The following PPP3CA variants were observed in gnomAD, a reference collection of about 807,000 sequenced individuals.
The protein encoded by PPP3CA is CAM-PRP catalytic subunit.
Under a neutral mutation model 66.5 loss-of-function variants are expected in PPP3CA, and 14 were observed. That is an observed-to-expected ratio of 0.21 (90% CI 0.14 to 0.33). The LOEUF (loss-of-function observed/expected upper bound fraction) is 0.33. PPP3CA is among the 10% of genes least tolerant of loss of function. The probability of loss-of-function intolerance (pLI) is 1.00; values close to 1 mark genes in which losing one functional copy is unlikely to be tolerated. For synonymous variants in PPP3CA, 232 were observed against 226.2 expected, an observed-to-expected ratio of 1.03 and a Z score of -0.23; for missense variants, 317 against 639.5, an observed-to-expected ratio of 0.50 and a Z score of 5.44.
intron 1 of PPP3CA, among the ~76,000 whole-genome samples, chr4:101,340,693 G>A (rs73835938): frequency 0.11 from 16,156 of 152,120 alleles, 2,912 homozygotes; most frequent in African/African-American, 0.37. Context: ...TTTACAAACT[G>A]AAATCCTATT....
chr4:101,169,345 T>C (rs918554640), intron 2 of PPP3CA, among the ~76,000 whole-genome samples: 1 of 152,166 alleles, frequency 6.6e-6, no homozygotes, highest in Non-Finnish European at 1.5e-5. Context: ...AAGACAAGAA[T>C]GAATGGTGTG....
intron 2 of PPP3CA, among the ~76,000 whole-genome samples, chr4:101,147,260 T>C (rs1722999593): frequency 6.6e-6 from 1 of 152,212 alleles, no homozygotes; most frequent in African/African-American, 2.4e-5. Flanking sequence ...ATTTCCCACT[T>C]GTTCTTTAGA....
chr4:101,165,003 G>A (rs540733216), intron 2 of PPP3CA, among the ~76,000 whole-genome samples: 3 of 152,144 alleles, frequency 2.0e-5, no homozygotes, highest in Admixed American at 2.0e-4. Context: ...TCTGGGTAGG[G>A]GAGGAGAGAT....
At chr4:101,219,253 TAAC>T (rs1725550008) in intron 1 of PPP3CA, among the ~76,000 whole-genome samples, 1 of 152,014 alleles carries the variant, frequency 6.6e-6, no homozygotes, top group East Asian at 1.9e-4. Flanking sequence ...ACTTAATAGT[TAAC>T]AGATTGCATG....
At chr4:101,280,879 C>T (rs910462416) in intron 1 of PPP3CA, among the ~76,000 whole-genome samples, 3 of 149,882 alleles carry the variant, frequency 2.0e-5, no homozygotes, top group Non-Finnish European at 4.4e-5. Context: ...AATGCTTGAG[C>T]TCACTCCACA....
intron 1 of PPP3CA, among the ~76,000 whole-genome samples, chr4:101,339,740 G>A (rs1158177547): frequency 1.3e-5 from 2 of 152,172 alleles, no homozygotes; most frequent in East Asian, 3.8e-4. Context: ...CATTGAGCTA[G>A]GGACCAATAA....
At chr4:101,059,089 T>G (rs1375475119) in intron 10 of PPP3CA, among the ~76,000 whole-genome samples, 1 of 152,128 alleles carries the variant, frequency 6.6e-6, no homozygotes, top group East Asian at 1.9e-4. Flanking sequence ...GAAAAACGTT[T>G]GTTGATGTTT....
chr4:101,104,948 A>G (rs1730594296), intron 3 of PPP3CA, among the ~76,000 whole-genome samples: 1 of 152,148 alleles, frequency 6.6e-6, no homozygotes, highest in African/African-American at 2.4e-5. Context: ...TGAGGACTCC[A>G]ATACATGCAT....
intron 2 of PPP3CA, among the ~76,000 whole-genome samples, chr4:101,165,644 C>G (rs545496705): frequency 6.0e-4 from 92 of 152,232 alleles, no homozygotes; most frequent in Non-Finnish European, 9.7e-4. Flanking sequence ...ATAATACTTA[C>G]ATGTGTACAT....
intron 8 of PPP3CA, among the ~76,000 whole-genome samples, chr4:101,074,091 C>CA (rs1206637007): frequency 6.6e-6 from 1 of 152,080 alleles, no homozygotes; most frequent in South Asian, 2.1e-4. Context: ...TGTAAGGATA[C>CA]AAAAAAAGTG....
At chr4:101,103,470 G>A (rs78558433) in intron 3 of PPP3CA, among the ~76,000 whole-genome samples, 81 of 152,306 alleles carry the variant, frequency 5.3e-4, no homozygotes, top group Non-Finnish European at 1.0e-3. Flanking sequence ...CTATATAGAC[G>A]ACTGGCTACA....
intron 10 of PPP3CA, among the ~76,000 whole-genome samples, chr4:101,049,332 C>T (rs1197237877): frequency 6.6e-6 from 1 of 151,946 alleles, no homozygotes; most frequent in East Asian, 1.9e-4. Flanking sequence ...CAGCTCATGC[C>T]TTACAGAGGA....
At chr4:101,084,370 G>A (rs1037134250) in intron 6 of PPP3CA, among the ~76,000 whole-genome samples, 5 of 152,134 alleles carry the variant, frequency 3.3e-5, no homozygotes, top group Admixed American at 6.5e-5. Context: ...GCCGGGCATC[G>A]TGGGTCACAC....
intron 2 of PPP3CA, among the ~76,000 whole-genome samples, chr4:101,168,004 C>T (rs2110312619): frequency 6.6e-6 from 1 of 152,284 alleles, no homozygotes; most frequent in South Asian, 2.1e-4. Context: ...AGCAGAAGGG[C>T]TGTATGGTGG....
intron 1 of PPP3CA, among the ~76,000 whole-genome samples, chr4:101,238,507 GA>G (rs1290814348): frequency 2.6e-5 from 4 of 151,686 alleles, no homozygotes; most frequent in Non-Finnish European, 4.4e-5. Context: ...TGGAATAGAT[GA>G]AAAAAAGTTT....
At chr4:101,253,701 TATG>T (rs1378164806) in intron 1 of PPP3CA, among the ~76,000 whole-genome samples, 13 of 152,208 alleles carry the variant, frequency 8.5e-5, no homozygotes, top group Admixed American at 7.9e-4. Flanking sequence ...TTTGATAGAT[TATG>T]ATAACGTCAT....
chr4:101,174,851 CACTT>C (rs1724006854), intron 2 of PPP3CA, among the ~76,000 whole-genome samples: 1 of 152,150 alleles, frequency 6.6e-6, no homozygotes, highest in South Asian at 2.1e-4. Flanking sequence ...GGTACTAACT[CACTT>C]AATCCCCACA....
intron 3 of PPP3CA, among the ~76,000 whole-genome samples, chr4:101,103,845 T>A (rs993485908): frequency 6.6e-6 from 1 of 152,224 alleles, no homozygotes; most frequent in Non-Finnish European, 1.5e-5. Context: ...CACAGACCTA[T>A]ATATACACAT....
chr4:101,280,771 G>A (rs1215749784), intron 1 of PPP3CA, among the ~76,000 whole-genome samples: 1 of 141,944 alleles, frequency 7.0e-6, no homozygotes, highest in African/African-American at 2.7e-5. Context: ...AGTGAGCTGA[G>A]ATCACCTCAT....
Sources: gnomAD v4.1 joint callset for allele counts (sites outside exome capture counted in the v4.1 genomes callset) on GRCh38, gnomAD v4.1.1 for gene constraint, MANE v1.5 for transcripts, NCBI Gene and HGNC (gene_info 2026-07-23, HGNC 2026-07-21) for gene names.